Variants in RAD51B observed in about 807,000 individuals in gnomAD.
RAD51B encodes RAD51 paralog B, also known as DNA repair protein RAD51 homolog 2.
In RAD51B, 38 loss-of-function variants were observed where a neutral mutation model predicts 42.2. The ratio of observed to expected loss-of-function variants is 0.90; its 90% confidence interval spans 0.70 to 1.18. RAD51B has a LOEUF of 1.18. Among genes scored for constraint, RAD51B ranks in the 50% most tolerant of loss-of-function variants. The probability of loss-of-function intolerance (pLI) is 0.00; values close to 1 mark genes in which losing one functional copy is unlikely to be tolerated. For missense variants in RAD51B, 373 were observed against 400.7 expected, an observed-to-expected ratio of 0.93 and a Z score of 0.59; for synonymous variants, 154 against 145.2, an observed-to-expected ratio of 1.06 and a Z score of -0.43.
At chr14:68,262,873 T>C (rs1045339023) in intron 7 of RAD51B, among the ~76,000 whole-genome samples, 1 of 152,240 alleles carries the variant, frequency 6.6e-6, no homozygotes, top group Non-Finnish European at 1.5e-5. Flanking sequence ...CATACTTCTC[T>C]ACGACTATCC....
chr14:68,634,572 G>A (rs1892303752), intron 10 of RAD51B, among the ~76,000 whole-genome samples: 1 of 152,074 alleles, frequency 6.6e-6, no homozygotes, highest in African/African-American at 2.4e-5. Context: ...TTCTCAGCCT[G>A]CCACTGGCTC....
chr14:68,465,955 T>A lies in RAD51B; in HGVS notation c.958-2217T>A, dbSNP rs28576833. ...GACTCTGTCTCAAAAAAAAAAAAAATAAATAAATAAATAAATAAATAAATA... is the reference window on the plus strand; with the variant it reads ...GACTCTGTCTCAAAAAAAAAAAAAAAAAATAAATAAATAAATAAATAAATA... On this transcript the variant is annotated intron_variant, in intron 9 of 10. Coordinates refer to ENST00000471583, the MANE Select transcript of RAD51B (RefSeq NM_133510.4). 9.9e-3 allele frequency among the ~76,000 whole-genome samples: 344 copies of A among 34,594 alleles called. 3 individuals are homozygous for A. Among genetic ancestry groups the A allele is most frequent in the Admixed American group, 0.019 (85 of 4,562 alleles). 22.7% of individuals were successfully genotyped at this position (34,594 alleles called of 152,430 possible). A position where few individuals can be genotyped will look rare whatever the true frequency, so the allele number is the denominator to read the frequency against.
intron 10 of RAD51B, among the ~76,000 whole-genome samples, chr14:68,504,061 T>G (rs1285753220): frequency 1.3e-5 from 2 of 152,188 alleles, no homozygotes; most frequent in African/African-American, 4.8e-5. Context: ...CGGCCCCTTC[T>G]GAAGTCGGTA....
intron 7 of RAD51B, among the ~76,000 whole-genome samples, chr14:68,224,907 G>A (rs570860740): frequency 6.6e-6 from 1 of 152,094 alleles, no homozygotes; most frequent in East Asian, 1.9e-4. Flanking sequence ...TGACCAGGCT[G>A]GTCTTGAACT....
In RAD51B at chr14:68,162,288, A is replaced by G. The variant is rs1228791253; in HGVS notation, c.757-129596A>G. Among the ~76,000 whole-genome samples, 4 of 152,138 alleles carry G rather than the reference A, an allele frequency of 2.6e-5. No individual in the cohort carries two copies. In the East Asian group the frequency reaches 7.7e-4, roughly 29 times the overall value. On this transcript the variant is annotated intron_variant, in intron 7 of 10. Transcript: ENST00000471583. The stretch of plus-strand genomic sequence containing the variant: ...TAGAACGTAAATTCCTTTTTAAAAT[A>G]TTTGTTTTATGCAAGTTTAAGCTAA...
At chr14:68,633,607 A>G (rs1234986355) in intron 10 of RAD51B, among the ~76,000 whole-genome samples, 2 of 152,056 alleles carry the variant, frequency 1.3e-5, no homozygotes, top group Non-Finnish European at 2.9e-5. Flanking sequence ...AGCCCACAAG[A>G]GTCTATTGTT....
chr14:68,262,881 T>C (rs2080916965), intron 7 of RAD51B, among the ~76,000 whole-genome samples: 1 of 152,230 alleles, frequency 6.6e-6, no homozygotes, highest in Non-Finnish European at 1.5e-5. Context: ...TCTACGACTA[T>C]CCATCTCTTC....
At chr14:68,070,182 C>A (rs966857858) in intron 7 of RAD51B, among the ~76,000 whole-genome samples, 1 of 151,954 alleles carries the variant, frequency 6.6e-6, no homozygotes, top group African/African-American at 2.4e-5. Flanking sequence ...GGATATTAGA[C>A]CTTGGTTGGA....
chr14:68,626,925 C>A (rs755755763), intron 10 of RAD51B, among the ~76,000 whole-genome samples: 1 of 152,108 alleles, frequency 6.6e-6, no homozygotes, highest in Non-Finnish European at 1.5e-5. Flanking sequence ...CTTTGTTGAA[C>A]CGAGACAGAA....
intron 10 of RAD51B, among the ~76,000 whole-genome samples, chr14:68,557,757 A>G (rs528499201): frequency 2.0e-5 from 3 of 152,338 alleles, no homozygotes; most frequent in South Asian, 4.1e-4. Flanking sequence ...CCTCCCCTTC[A>G]AAGGAACAGG....
chr14:67,903,056 C>T (rs2043664356), intron 7 of RAD51B, among the ~76,000 whole-genome samples: 1 of 152,038 alleles, frequency 6.6e-6, no homozygotes, highest in South Asian at 2.1e-4. Context: ...TAGGGTTTCA[C>T]CATGTTGACC....
intron 7 of RAD51B, among the ~76,000 whole-genome samples, chr14:68,216,593 G>A (rs1237869010): frequency 1.3e-5 from 2 of 152,196 alleles, no homozygotes; most frequent in Non-Finnish European, 2.9e-5. Context: ...AAATAAGGCT[G>A]TCAAAGTCTT....
At chr14:68,238,291 G>C (rs755763271) in intron 7 of RAD51B, among the ~76,000 whole-genome samples, 13 of 152,002 alleles carry the variant, frequency 8.6e-5, no homozygotes, top group Middle Eastern at 3.2e-3. Context: ...GTTTAGTTTA[G>C]TTTTGTTTTG....
intron 10 of RAD51B, among the ~76,000 whole-genome samples, chr14:68,583,948 C>A (rs993076865): frequency 1.3e-5 from 2 of 152,144 alleles, no homozygotes; most frequent in Non-Finnish European, 2.9e-5. Context: ...AATGTGTGGG[C>A]CACAGCACCG....
At chr14:68,010,750 G>A (rs1404927707) in intron 7 of RAD51B, among the ~76,000 whole-genome samples, 4 of 151,772 alleles carry the variant, frequency 2.6e-5, no homozygotes, top group African/African-American at 9.7e-5. Flanking sequence ...TTGGAGAAAG[G>A]TAGAATTTAG....
chr14:68,174,124 C>T (rs2078921383), intron 7 of RAD51B, among the ~76,000 whole-genome samples: 1 of 152,126 alleles, frequency 6.6e-6, no homozygotes, highest in South Asian at 2.1e-4. Context: ...TTCTTACTCT[C>T]CATGTAGTAG....
chr14:68,503,516 C>T (rs1885071230), intron 10 of RAD51B, among the ~76,000 whole-genome samples: 1 of 152,110 alleles, frequency 6.6e-6, no homozygotes, highest in Admixed American at 6.5e-5. Flanking sequence ...CTTTTTATTA[C>T]CTTACCCTGG....
rs940401688 is a variant in RAD51B at position 67,985,541 on chromosome 14, A to G, written c.756+98337A>G. Among the ~76,000 whole-genome samples, 4 of 150,802 alleles carry G rather than the reference A, an allele frequency of 2.7e-5. No individual in the cohort carries two copies. The East Asian group carries it at 5.8e-4, about 22-fold the overall frequency. On this transcript the variant is annotated intron_variant, in intron 7 of 10. Transcript: ENST00000471583. The stretch of plus-strand genomic sequence containing the variant: ...TTGAGGGAATAGGAATTTTCTTGCC[A>G]TGTCTATTTAGTTTCCTTTAATACA...
chr14:68,122,075 A>G (rs2077661694), intron 7 of RAD51B, among the ~76,000 whole-genome samples: 1 of 152,140 alleles, frequency 6.6e-6, no homozygotes, highest in African/African-American at 2.4e-5. Flanking sequence ...AGCCTTATCC[A>G]AAAATAAATC....
Sources: gnomAD v4.1 joint callset for allele counts (sites outside exome capture counted in the v4.1 genomes callset) on GRCh38, gnomAD v4.1.1 for gene constraint, MANE v1.5 for transcripts, NCBI Gene and HGNC (gene_info 2026-07-23, HGNC 2026-07-21) for gene names.